CPVL: variants seen among roughly 807,000 people sequenced by gnomAD.
CPVL encodes carboxypeptidase vitellogenic like, also known as probable serine carboxypeptidase CPVL.
In CPVL, 51 loss-of-function variants were observed where a neutral mutation model predicts 63.7. The ratio of observed to expected loss-of-function variants is 0.80; its 90% CI spans 0.64 to 1.01. The LOEUF is 1.01. Among genes scored for constraint, CPVL ranks in the 50% least tolerant of loss-of-function variants. The probability of loss-of-function intolerance (pLI) is 0.00; values close to 1 mark genes in which losing one functional copy is unlikely to be tolerated. For synonymous variants in CPVL, 195 were observed against 206.0 expected (o/e 0.95, Z 0.46); for missense variants, 530 against 573.1 (o/e 0.92, Z 0.77).
intron 12 of CPVL, among the ~76,000 whole-genome samples, chr7:29,027,279 T>C (rs1325858309): frequency 6.6e-6 from 1 of 151,996 alleles, no homozygotes; most frequent in Non-Finnish European, 1.5e-5. Flanking sequence ...TCTGATAAAA[T>C]CCAACATCCC....
chr7:29,147,178 A>G (rs529603222), upstream of CPVL: 6 of 627,916 alleles, frequency 9.6e-6, no homozygotes, highest in South Asian at 8.2e-5. Flanking sequence ...ATCGAGCCAG[A>G]CAGTACGGGA....
intron 11 of CPVL, among the ~76,000 whole-genome samples, chr7:29,048,122 C>A (rs1414187271): frequency 1.3e-5 from 2 of 151,872 alleles, no homozygotes; most frequent in African/African-American, 4.8e-5. Context: ...ACCTATAAAA[C>A]AAAAATACAA....
intron 12 of CPVL, among the ~76,000 whole-genome samples, chr7:29,015,889 A>G (rs933116079): frequency 2.6e-5 from 4 of 152,244 alleles, no homozygotes; most frequent in African/African-American, 9.6e-5. Context: ...GTTATGAGTT[A>G]GTAAATAACA....
intron 1 of CPVL, among the ~76,000 whole-genome samples, chr7:29,129,761 T>A (rs1790485983): frequency 6.6e-6 from 1 of 152,160 alleles, no homozygotes; most frequent in Admixed American, 6.6e-5. Context: ...GCCACACTAC[T>A]TTTAATTAAA....
At chr7:29,182,771 T>A (rs1057478126) in intron 4 of CPVL, among the ~76,000 whole-genome samples, 1 of 152,158 alleles carries the variant, frequency 6.6e-6, no homozygotes, top group East Asian at 1.9e-4. Flanking sequence ...CCAAGGAGAA[T>A]TGGAGGTAGG....
rs780931131 is a variant in CPVL at position 29,030,592 on chromosome 7, C to T, written c.1305G>A (p.Ala435=). ...ATCTTCCTACCTGATGGAAGTCACCCGCTTGCCGGATGTAACCAGCCACTT... is the reference window on the plus strand; with the variant it reads ...ATCTTCCTACCTGATGGAAGTCACCTGCTTGCCGGATGTAACCAGCCACTT... ...DSEVAGYIRQ[A]GDFHQVIIRG... is the part of the protein sequence containing the mutation. Residue 435 remains alanine, a synonymous_variant, in exon 12 of 13, where the codon GCG becomes GCA. Transcript: ENST00000265394. 1.1e-4 allele frequency: 177 copies of T among 1,611,970 alleles called. 1 individual carries two copies. The South Asian group carries it at 1.3e-3, about 12-fold the overall frequency.
chr7:29,001,245 C>T (rs577763350), intron 12 of CPVL: 12 of 152,292 alleles, frequency 7.9e-5, no homozygotes, highest in Admixed American at 2.6e-4. Context: ...GTGCTACTCA[C>T]CAGGAAAGAG....
intron 1 of CPVL, among the ~76,000 whole-genome samples, chr7:29,136,427 T>C (rs1791233028): frequency 1.3e-5 from 2 of 152,130 alleles, no homozygotes; most frequent in African/African-American, 4.8e-5. Flanking sequence ...AAAGAGAAAA[T>C]TATATCACCA....
At chr7:29,174,865 A>G (rs1196801179) in intron 5 of CPVL, among the ~76,000 whole-genome samples, 1 of 152,086 alleles carries the variant, frequency 6.6e-6, no homozygotes, top group African/African-American at 2.4e-5. Context: ...CCATCTAAAA[A>G]AAAAAAAAAA....
At chr7:29,096,788 A>C (rs1786447768) in intron 3 of CPVL, among the ~76,000 whole-genome samples, 2 of 152,086 alleles carry the variant, frequency 1.3e-5, no homozygotes, top group South Asian at 4.2e-4. Flanking sequence ...GTTCAAGACC[A>C]GCCTGGCCAA....
At chr7:29,114,154 T>C (rs184297665) in intron 2 of CPVL, among the ~76,000 whole-genome samples, 3 of 152,278 alleles carry the variant, frequency 2.0e-5, no homozygotes, top group East Asian at 1.9e-4. Context: ...CTCAAGGGAA[T>C]AGATGCTACA....
intron 1 of CPVL, among the ~76,000 whole-genome samples, chr7:29,137,850 A>C (rs926406857): frequency 3.5e-5 from 4 of 114,190 alleles, no homozygotes; most frequent in Non-Finnish European, 7.7e-5. Context: ...GAAAAGCATA[A>C]GTAGGAAGTG....
chr7:29,023,592 A>G (rs1787219813), intron 12 of CPVL, among the ~76,000 whole-genome samples: 1 of 152,176 alleles, frequency 6.6e-6, no homozygotes, highest in South Asian at 2.1e-4. Context: ...GTTTCCATGT[A>G]TGCCACCTGG....
intron 12 of CPVL, among the ~76,000 whole-genome samples, chr7:29,019,729 T>C (rs1236844955): frequency 6.6e-6 from 1 of 152,218 alleles, no homozygotes; most frequent in African/African-American, 2.4e-5. Flanking sequence ...GACAGTATTC[T>C]TAGATAAACC....
At chr7:29,129,147 A>G (rs547343079) in intron 1 of CPVL, among the ~76,000 whole-genome samples, 8 of 152,336 alleles carry the variant, frequency 5.3e-5, no homozygotes, top group African/African-American at 1.7e-4. Context: ...ATGATACCTC[A>G]TAAGAGGCCA....
At chr7:29,154,527 G>A (rs245898) in intron 5 of CPVL, among the ~76,000 whole-genome samples, 85,045 of 152,028 alleles carry the variant, frequency 0.56, 24,618 homozygotes, top group African/African-American at 0.72. Context: ...ACACCTGATC[G>A]ATATTTAAAG....
chr7:29,147,012 G>A, upstream of CPVL: 1 of 1,549,146 alleles, frequency 6.5e-7, no homozygotes, highest in Admixed American at 2.0e-5. Flanking sequence ...CTGAATCACT[G>A]CGCTGGAGTC....
intron 6 of CPVL, among the ~76,000 whole-genome samples, chr7:29,088,384 T>TC (rs1785416623): frequency 6.6e-6 from 1 of 152,214 alleles, no homozygotes; most frequent in South Asian, 2.1e-4. Flanking sequence ...GGCAGGATTC[T>TC]CCAGCTCAAG....
At chr7:29,066,144 A>G in intron 9 of CPVL, 23 bp from the exon 10 acceptor site, 1 of 1,138,906 alleles carries the variant, frequency 8.8e-7, no homozygotes, top group Non-Finnish European at 1.3e-6. Flanking sequence ...AGAGGGAGAA[A>G]GAAAGAAAGA....
Sources: gnomAD v4.1 joint callset for allele counts (sites outside exome capture counted in the v4.1 genomes callset) on GRCh38, gnomAD v4.1.1 for gene constraint, MANE v1.5 for transcripts, NCBI Gene and HGNC (gene_info 2026-07-23, HGNC 2026-07-21) for gene names.